Variants in PMS1 observed in about 807,000 individuals in gnomAD.
PMS1 encodes the protein PMS1 protein homolog 1.
In PMS1, 79 loss-of-function variants were observed where a neutral mutation model predicts 93.1. The ratio of observed to expected loss-of-function variants is 0.85; its 90% CI spans 0.71 to 1.02. The LOEUF (loss-of-function observed/expected upper bound fraction) is 1.02, where lower values mean the gene tolerates loss of function less well. Among genes scored for constraint, PMS1 ranks in the 50% least tolerant of loss-of-function variants. The pLI is 0.00. For missense variants in PMS1, 1,064 were observed against 1,085.3 expected (o/e 0.98, Z 0.28); for synonymous variants, 335 against 363.4 (o/e 0.92, Z 0.89).
chr2:189,832,177 T>G (rs1392279814), intron 5 of PMS1, among the ~76,000 whole-genome samples: 1 of 152,180 alleles, frequency 6.6e-6, no homozygotes, highest in Non-Finnish European at 1.5e-5. Flanking sequence ...GTCTGTGTGT[T>G]TGGTCTTAAT....
At chr2:189,801,390 A>G (rs2049875155) in intron 3 of PMS1, among the ~76,000 whole-genome samples, 1 of 152,218 alleles carries the variant, frequency 6.6e-6, no homozygotes. Context: ...AAGCACAGTG[A>G]CTGGGTTGAA....
intron 10 of PMS1, among the ~76,000 whole-genome samples, chr2:189,865,331 T>C (rs1451307904): frequency 6.6e-6 from 1 of 152,232 alleles, no homozygotes; most frequent in Non-Finnish European, 1.5e-5. Flanking sequence ...CTGTTGTCTG[T>C]ATTTGCTTTC....
chr2:189,867,742 G>C, intron 10 of PMS1, 57 bp from the exon 11 acceptor site: 1 of 1,327,112 alleles, frequency 7.5e-7, no homozygotes. Flanking sequence ...ACTTTTTCCC[G>C]TAAACCCCCT....
intron 11 of PMS1, among the ~76,000 whole-genome samples, chr2:189,872,102 G>C (rs902561023): frequency 2.0e-5 from 3 of 152,072 alleles, no homozygotes; most frequent in Admixed American, 6.6e-5. Context: ...TAACAGTAGA[G>C]GTCACATTTC....
At chr2:189,865,602 T>G (rs2056583881) in intron 10 of PMS1, among the ~76,000 whole-genome samples, 2 of 152,200 alleles carry the variant, frequency 1.3e-5, no homozygotes, top group Non-Finnish European at 2.9e-5. Flanking sequence ...TTATTGGTTG[T>G]AATATAGGGT....
chr2:189,850,744 CAA>C (rs2054619246), intron 6 of PMS1, among the ~76,000 whole-genome samples: 1 of 152,046 alleles, frequency 6.6e-6, no homozygotes, highest in Admixed American at 6.6e-5. Flanking sequence ...AAGGATGAAA[CAA>C]ATTCATTCAG....
chr2:189,863,602 G>T (rs1172307343), intron 9 of PMS1, 141 bp from the exon 10 acceptor site: 1 of 660,050 alleles, frequency 1.5e-6, no homozygotes, highest in Non-Finnish European at 2.6e-6. Flanking sequence ...ATAGTTATAT[G>T]CAGGAGAGTT....
At position 189,863,774 on chromosome 2, in the gene PMS1, C is replaced by T. The variant is rs139932286; in HGVS notation, c.1888C>T (p.Arg630Ter). The T allele has an allele frequency of 8.5e-5, 137 of 1,604,000 alleles. No individual in the cohort carries two copies. The highest frequency in any genetic ancestry group is 1.5e-4 in the Admixed American group (9 of 59,938). ...AGAGAAGGCTACTAAAGACTTGGAA[C>T]GATACAATAGTCAAATGAAGAGAGC... ...YEEKATKDLERYNSQMKRAIE... is the reference protein window; with the variant it reads ...YEEKATKDLE The change falls in exon 10 of 13, where the codon CGA (arginine) becomes TGA (stop). Residue 630 changes from arginine (R) to a stop codon, truncating the protein, a stop_gained. Coordinates refer to ENST00000441310, the MANE Select transcript of PMS1 (RefSeq NM_000534.5). LOFTEE classifies it high-confidence loss of function.
At chr2:189,833,983 A>G (rs775616804) in intron 5 of PMS1, among the ~76,000 whole-genome samples, 11 of 152,188 alleles carry the variant, frequency 7.2e-5, no homozygotes, top group Non-Finnish European at 1.0e-4. Flanking sequence ...CTGACCTTAC[A>G]TATTGTCACT....
rs56700120 is a variant in PMS1, at chr2:189,822,449, G to GTT, written c.582+4277_582+4278dup. Reference sequence around the variant, plus strand: ...TTTGTACTGCTGACTTAAATAGAGGGTTTTTTTTTAAGGTATTGGGTCAGC... The same window carrying GTT: ...TTTGTACTGCTGACTTAAATAGAGGGTTTTTTTTTTTAAGGTATTGGGTCAGC... On this transcript the variant is annotated intron_variant, in intron 5 of 12. Coordinates refer to ENST00000441310, the MANE Select transcript of PMS1 (RefSeq NM_000534.5). 9.2e-4 allele frequency among the ~76,000 whole-genome samples: 140 copies of GTT among 151,380 alleles called. 1 individual carries two copies. Among genetic ancestry groups the GTT allele is most frequent in the Middle Eastern group, 3.4e-3 (1 of 292 alleles).
intron 1 of PMS1, among the ~76,000 whole-genome samples, chr2:189,789,284 C>G (rs1219130015): frequency 6.6e-6 from 1 of 152,028 alleles, no homozygotes; most frequent in African/African-American, 2.4e-5. Flanking sequence ...GGTATTAGCT[C>G]CATCTTTACA....
chr2:189,813,123 G>A (rs2050982113), intron 4 of PMS1, among the ~76,000 whole-genome samples: 1 of 152,132 alleles, frequency 6.6e-6, no homozygotes, highest in Non-Finnish European at 1.5e-5. Flanking sequence ...GACATAAATT[G>A]GAGAGACTCC....
intron 6 of PMS1, among the ~76,000 whole-genome samples, chr2:189,847,870 A>C (rs79005631): frequency 0.015 from 2,233 of 151,652 alleles, 58 homozygotes; most frequent in African/African-American, 0.051. Context: ...GTCCCTTCCC[A>C]TTCTCTTTGT....
At chr2:189,805,820 A>AC (rs1450440371) in intron 4 of PMS1, 66 bp downstream of exon 4, 1 of 1,598,224 alleles carries the variant, frequency 6.3e-7, no homozygotes, top group Admixed American at 1.7e-5. Flanking sequence ...GTTTAAAAAA[A>AC]AAAAGTTACT....
At chr2:189,788,756 T>A (rs986787494) in intron 1 of PMS1, among the ~76,000 whole-genome samples, 1 of 152,224 alleles carries the variant, frequency 6.6e-6, no homozygotes, top group African/African-American at 2.4e-5. Flanking sequence ...TTATTAATGC[T>A]GAGTTGGAAA....
intron 1 of PMS1, among the ~76,000 whole-genome samples, chr2:189,789,587 T>A (rs553879579): frequency 6.6e-6 from 1 of 152,186 alleles, no homozygotes; most frequent in Non-Finnish European, 1.5e-5. Flanking sequence ...TGTGTAATTG[T>A]TATAGTGCCT....
At chr2:189,811,751 T>C (rs2050864462) in intron 4 of PMS1, among the ~76,000 whole-genome samples, 1 of 152,180 alleles carries the variant, frequency 6.6e-6, no homozygotes, top group South Asian at 2.1e-4. Context: ...TACATCATAA[T>C]TGAATTACCG....
chr2:189,805,664 A>T lies in PMS1; in HGVS notation c.328A>T (p.Thr110Ser). 1 of 1,613,786 alleles carries T rather than the reference A, an allele frequency of 6.2e-7. No homozygotes were observed. Among genetic ancestry groups the T allele is most frequent in the Non-Finnish European group, 8.5e-7 (1 of 1,179,772 alleles). Reference protein sequence around the residue: ...ICCIAEVLITTRTAADNFSTQ... With the variant: ...ICCIAEVLITSRTAADNFSTQ... The stretch of plus-strand genomic sequence containing the variant: ...TTTTTTCCCCCAGGTTTTAATTACA[A>T]CAAGAACGGCTGCTGATAATTTTAG... The change falls in exon 4 of 13, where the codon ACA becomes TCA. Residue 110 changes from threonine to serine, a missense_variant. By Grantham distance (58) the Thr-to-Ser change is moderately conservative (BLOSUM62 1). Coordinates refer to ENST00000441310, the MANE Select transcript of PMS1 (RefSeq NM_000534.5).
At chr2:189,809,794 T>C (rs1378863111) in intron 4 of PMS1, among the ~76,000 whole-genome samples, 2 of 152,182 alleles carry the variant, frequency 1.3e-5, no homozygotes, top group Non-Finnish European at 2.9e-5. Context: ...ATTGTGCCAT[T>C]GCACTCCAGC....
Sources: gnomAD v4.1 joint callset for allele counts (sites outside exome capture counted in the v4.1 genomes callset) on GRCh38, gnomAD v4.1.1 for gene constraint, MANE v1.5 for transcripts, NCBI Gene and HGNC (gene_info 2026-07-23, HGNC 2026-07-21) for gene names.